Variants in KLHDC4 observed in about 807,000 individuals in gnomAD.
The protein encoded by KLHDC4 is kelch domain-containing protein 4.
Under a neutral mutation model 62.4 loss-of-function variants are expected in KLHDC4, and 90 were observed. That is an observed-to-expected ratio of 1.44 (90% confidence interval 1.22 to 1.72). The LOEUF (loss-of-function observed/expected upper bound fraction) is 1.72, where lower values mean the gene tolerates loss of function less well. Ranked by LOEUF, KLHDC4 falls within the 40% of genes most tolerant of loss-of-function variation. The probability of loss-of-function intolerance (pLI) is 0.00; values close to 1 mark genes in which losing one functional copy is unlikely to be tolerated. For missense variants in KLHDC4, 1,025 were observed against 699.7 expected, an observed-to-expected ratio of 1.47 and a Z score of -5.25; for synonymous variants, 386 against 284.4, an observed-to-expected ratio of 1.36 and a Z score of -3.59.
chr16:87,712,018 G>GGGGACCCTCCGCCCTGCACA, intron 8 of KLHDC4, among the ~76,000 whole-genome samples: 1 of 149,602 alleles, frequency 6.7e-6, no homozygotes, highest in East Asian at 2.0e-4. Context: ...GGGCCTGCAC[G>GGGGACCCTCCGCCCTGCACA]GGGACCCTCC....
At chr16:87,764,580 C>T (rs1354138340) in intron 1 of KLHDC4, among the ~76,000 whole-genome samples, 9 of 124,106 alleles carry the variant, frequency 7.3e-5, no homozygotes, top group African/African-American at 2.4e-4. Flanking sequence ...ACCTGGGAGG[C>T]GGAGGTGCAG....
In KLHDC4 at chr16:87,726,827, CT is replaced by C; in HGVS notation, c.696del (p.Gly233AlafsTer39). On this transcript the variant is annotated frameshift_variant, in exon 7 of 12. Transcript: ENST00000270583. LOFTEE classifies it high-confidence loss of function. Reference protein sequence around the residue: ...SPSGTGPTPRSGCQMSVTPQG... With the variant: ...SPSGTGPTPRXGCQMSVTPQG... ...TGGGGAGTGACGGACATCTGGCAGCCTGATCTGGGTGTGGGCCCCGTCCCTG... is the reference window on the plus strand; with the variant it reads ...TGGGGAGTGACGGACATCTGGCAGCCGATCTGGGTGTGGGCCCCGTCCCTG... The C allele has an allele frequency of 6.2e-7, 1 of 1,611,996 alleles. No homozygotes were observed.
intron 5 of KLHDC4, among the ~76,000 whole-genome samples, chr16:87,744,231 C>T (rs1329846798): frequency 6.6e-6 from 1 of 152,008 alleles, no homozygotes; most frequent in African/African-American, 2.4e-5. Context: ...GCCTGACCAA[C>T]GTGAAGAAAC....
At chr16:87,713,768 G>C (rs1364530617) in intron 8 of KLHDC4, among the ~76,000 whole-genome samples, 1 of 152,304 alleles carries the variant, frequency 6.6e-6, no homozygotes, top group East Asian at 1.9e-4. Flanking sequence ...CCATGTAAAG[G>C]GCTGTCCCCT....
At chr16:87,717,808 G>A (rs1223977768) in intron 7 of KLHDC4, among the ~76,000 whole-genome samples, 1 of 149,204 alleles carries the variant, frequency 6.7e-6, no homozygotes, top group Admixed American at 6.6e-5. Context: ...CTTAGCTTCG[G>A]CAGGTCTCTG....
rs748245315 is a variant in KLHDC4, at chr16:87,761,907, A to G, written c.191+42T>C. ...TTTAAAGCAGTTTTTCAATGTATAG[A>G]AGAAAAGGAAACATACAATATGAAA... On this transcript the variant is annotated intron_variant, in intron 2 of 11. Coordinates refer to ENST00000270583, the MANE Select transcript of KLHDC4 (RefSeq NM_017566.4). 12 of 1,588,282 alleles carry G rather than the reference A, an allele frequency of 7.6e-6. No homozygotes were observed. The South Asian group carries it at 1.3e-4, about 18-fold the overall frequency.
At chr16:87,752,757 G>A (rs188012490) in intron 4 of KLHDC4, among the ~76,000 whole-genome samples, 111 of 152,216 alleles carry the variant, frequency 7.3e-4, no homozygotes, top group African/African-American at 2.4e-3. Flanking sequence ...TATAGCCTAC[G>A]CCCCAAAGAT....
chr16:87,725,466 A>C (rs1328181374), intron 7 of KLHDC4, among the ~76,000 whole-genome samples: 1 of 152,192 alleles, frequency 6.6e-6, no homozygotes, highest in African/African-American at 2.4e-5. Context: ...CGCCCAGCCT[A>C]AGCATAGCAA....
intron 1 of KLHDC4, chr16:87,765,392 C>T (rs963026406): frequency 2.1e-6 from 1 of 475,170 alleles, no homozygotes; most frequent in Admixed American, 2.3e-5. Flanking sequence ...ACTCCCAGAC[C>T]ACACATCATG....
At chr16:87,756,141 C>T (rs956066554) in intron 3 of KLHDC4, 2 of 321,320 alleles carry the variant, frequency 6.2e-6, no homozygotes, top group African/African-American at 4.1e-5. Context: ...GAGGGGTGCG[C>T]CCGCCAAGAG....
Position 87,726,859 on chromosome 16 carries a change from G to A in KLHDC4, c.665C>T (p.Ser222Phe), listed in dbSNP as rs2039456099. 2 of 1,613,668 alleles carry A rather than the reference G, an allele frequency of 1.2e-6. No individual in the cohort carries two copies. The highest frequency in any genetic ancestry group is 2.7e-5 in the African/African-American group (2 of 74,966). Residue 222 changes from serine to phenylalanine, a missense_variant, in exon 7 of 12, where the codon TCC (serine) becomes TTC (phenylalanine). Ser to Phe is a radical substitution (Grantham distance 155). Transcript: ENST00000270583. Reference sequence around the variant, plus strand: ...GGGTGTGGGCCCCGTCCCTGACGGGGACAGCTTGCTCCATGTGAAGGTGTC... The same window carrying A: ...GGGTGTGGGCCCCGTCCCTGACGGGAACAGCTTGCTCCATGTGAAGGTGTC... ...NLDTFTWSKL[S>F]PSGTGPTPRS...
chr16:87,702,823 A>C (rs1377594256), downstream of KLHDC4, among the ~76,000 whole-genome samples: 1 of 152,232 alleles, frequency 6.6e-6, no homozygotes, highest in Non-Finnish European at 1.5e-5. Context: ...ACTGTGTACA[A>C]TCACGCCGTG....
At chr16:87,743,509 G>A (rs1258811730) in intron 5 of KLHDC4, among the ~76,000 whole-genome samples, 1 of 152,134 alleles carries the variant, frequency 6.6e-6, no homozygotes, top group African/African-American at 2.4e-5. Flanking sequence ...GGAGGCCGAG[G>A]TGGGTGGATC....
At position 87,730,600 on chromosome 16, in the gene KLHDC4, G is replaced by A; in HGVS notation, c.551C>T (p.Ala184Val). 1 of 1,613,112 alleles carries A rather than the reference G, an allele frequency of 6.2e-7. No individual in the cohort carries two copies. Among genetic ancestry groups the A allele is most frequent in the Non-Finnish European group, 8.5e-7 (1 of 1,179,808 alleles). The change falls in exon 6 of 12, where the codon GCC becomes GTC. Residue 184 changes from alanine (A) to valine (V), a missense_variant. Coordinates refer to ENST00000270583, the MANE Select transcript of KLHDC4 (RefSeq NM_017566.4). ...PSGRSGHRMV[A>V]WKRQLILFGG... Reference sequence around the variant, plus strand: ...AAACAGGATCAATTGTCTCTTCCAGGCCACCATCCGATGTCCACTCCGACC... The same window carrying A: ...AAACAGGATCAATTGTCTCTTCCAGACCACCATCCGATGTCCACTCCGACC...
chr16:87,715,006 C>T (rs868726302), intron 7 of KLHDC4, among the ~76,000 whole-genome samples: 2 of 152,340 alleles, frequency 1.3e-5, no homozygotes, highest in Middle Eastern at 3.4e-3. Context: ...AGGGCAGGCA[C>T]TGCCCACTGA....
At position 87,726,829 on chromosome 16, in the gene KLHDC4, G is replaced by A. The variant is rs903639958; in HGVS notation, c.695C>T (p.Ser232Leu). Residue 232 changes from serine to leucine, a missense_variant, in exon 7 of 12, where the codon TCA becomes TTA. Physicochemically the swap from Ser to Leu is moderately radical, Grantham distance 145. Transcript: ENST00000270583. ...GGGAGTGACGGACATCTGGCAGCCT[G>A]ATCTGGGTGTGGGCCCCGTCCCTGA... is the stretch of plus-strand genomic sequence containing the variant. ...SPSGTGPTPR[S>L]GCQMSVTPQG... The A allele has an allele frequency of 1.2e-6, 2 of 1,612,418 alleles. No homozygotes were observed. The highest frequency in any genetic ancestry group is 1.7e-6 in the Non-Finnish European group (2 of 1,179,418).
chr16:87,753,126 A>C lies in KLHDC4; in HGVS notation c.369+2068T>G, dbSNP rs544110827. On this transcript the variant is annotated intron_variant, in intron 4 of 11. Coordinates refer to ENST00000270583, the MANE Select transcript of KLHDC4 (RefSeq NM_017566.4). ...GGAGTTCAGGGACGCAGAGGCAGCT[A>C]AAAGTGGCAGGGCAGAGCACTGGAG... is the stretch of plus-strand genomic sequence containing the variant. 1.2e-4 allele frequency among the ~76,000 whole-genome samples: 18 copies of C among 152,328 alleles called. No homozygotes were observed. The South Asian group carries it at 3.5e-3, about 30-fold the overall frequency.
intron 7 of KLHDC4, among the ~76,000 whole-genome samples, chr16:87,715,489 C>T (rs2036772897): frequency 6.6e-6 from 1 of 152,158 alleles, no homozygotes; most frequent in South Asian, 2.1e-4. Context: ...GGGATCCCGT[C>T]GAGGGTCCCA....
intron 5 of KLHDC4, among the ~76,000 whole-genome samples, chr16:87,744,844 C>A (rs546770479): frequency 7.1e-6 from 1 of 141,490 alleles, no homozygotes; most frequent in South Asian, 2.7e-4. Flanking sequence ...CAGATCACTG[C>A]GTCAGCACAC....
Sources: gnomAD v4.1 joint callset for allele counts (sites outside exome capture counted in the v4.1 genomes callset) on GRCh38, gnomAD v4.1.1 for gene constraint, MANE v1.5 for transcripts, NCBI Gene and HGNC (gene_info 2026-07-23, HGNC 2026-07-21) for gene names.